PTPRS: variants seen among roughly 807,000 people sequenced by gnomAD.
PTPRS encodes protein tyrosine phosphatase receptor type S, also known as receptor-type tyrosine-protein phosphatase S.
Under a neutral mutation model 215.3 loss-of-function variants are expected in PTPRS, and 63 were observed. That is an observed-to-expected ratio of 0.29 (90% CI 0.24 to 0.36). PTPRS has a LOEUF of 0.36. Ranked by LOEUF, PTPRS falls within the 10% of genes least tolerant of loss-of-function variation. The pLI, the probability that PTPRS is intolerant of heterozygous loss-of-function variation, is 1.00. For synonymous variants in PTPRS, 1,404 were observed against 1,191.4 expected (o/e 1.18, Z -3.68); for missense variants, 2,258 against 2,825.8 (o/e 0.80, Z 4.56).
chr19:5,236,147 T>C (rs1319921250), intron 13 of PTPRS, among the ~76,000 whole-genome samples: 1 of 152,236 alleles, frequency 6.6e-6, no homozygotes, highest in Non-Finnish European at 1.5e-5. Flanking sequence ...CTGGGCTTTC[T>C]ACAGTCACTG....
intron 9 of PTPRS, among the ~76,000 whole-genome samples, chr19:5,247,997 G>T (rs984233131): frequency 6.8e-6 from 1 of 146,536 alleles, no homozygotes; most frequent in African/African-American, 2.5e-5. Flanking sequence ...GAAGGGCCAT[G>T]CACACAGAGT....
At chr19:5,300,169 A>C (rs1281732543) in intron 1 of PTPRS, among the ~76,000 whole-genome samples, 2 of 150,472 alleles carry the variant, frequency 1.3e-5, no homozygotes, top group East Asian at 2.0e-4. Flanking sequence ...AGAACCCAGG[A>C]GGTGGACACT....
intron 1 of PTPRS, among the ~76,000 whole-genome samples, chr19:5,311,782 T>A (rs1483828730): frequency 6.6e-6 from 1 of 152,146 alleles, no homozygotes; most frequent in Non-Finnish European, 1.5e-5. Flanking sequence ...GGCTCACGCC[T>A]GTAATCCCAG....
Position 5,257,464 on chromosome 19 carries a change from G to C in PTPRS, c.706+553C>G, listed in dbSNP as rs142460058. On this transcript the variant is annotated intron_variant, in intron 8 of 37. Transcript: ENST00000262963. This position sits in a 1 kb window ranked among gnomAD's most constrained non-coding sequence, Gnocchi z 4.4. ...CATTAGGAAGAGGCAGAAGGCGCCG[G>C]GCTCCGGACCAGCTGGTGGGGGGTG... 2,491 of 458,000 alleles carry C rather than the reference G, an allele frequency of 5.4e-3. 23 individuals carry two copies. Among genetic ancestry groups the C allele is most frequent in the South Asian group, 0.013 (868 of 64,620 alleles). 28.4% of individuals were successfully genotyped at this position (458,000 alleles called of 1,614,324 possible).
At position 5,294,300 on chromosome 19, in the gene PTPRS, G is replaced by A. The variant is rs571456869; in HGVS notation, c.-94-8066C>T. ...TTCTGCAAAGAACGGAGCCGAGAAA[G>A]AGAGAGAAACGGCTGCCCACGGCCG... is the stretch of plus-strand genomic sequence containing the variant. On this transcript the variant is annotated intron_variant, in intron 1 of 37. Coordinates refer to ENST00000262963, the MANE Select transcript of PTPRS (RefSeq NM_002850.4). The surrounding 1 kb of genome is among the most constrained non-coding windows in gnomAD (Gnocchi z 5.1). The A allele has an allele frequency of 1.5e-4, 23 of 152,672 alleles. No individual in the cohort carries two copies. The highest frequency in any genetic ancestry group is 5.5e-4 in the African/African-American group (23 of 41,602). 9.5% of individuals were successfully genotyped at this position (152,672 alleles called of 1,614,324 possible).
At chr19:5,214,340 C>T (rs765866497) in intron 30 of PTPRS, 21 bp downstream of exon 30, 15 of 1,613,828 alleles carry the variant, frequency 9.3e-6, no homozygotes, top group African/African-American at 1.3e-5. Context: ...CCTCAGCCCC[C>T]AGCCCCAGCC....
chr19:5,331,155 A>C (rs1236156058), intron 1 of PTPRS, among the ~76,000 whole-genome samples: 1 of 148,766 alleles, frequency 6.7e-6, no homozygotes, highest in East Asian at 1.9e-4. Context: ...AAAAAAGAGA[A>C]GGCCTTGCTC....
In PTPRS at chr19:5,228,696, T is replaced by TA. The variant is rs529632912; in HGVS notation, c.2376+619dup. The stretch of plus-strand genomic sequence containing the variant: ...ACCTGGGGTTCTCAGCAGAGACTGG[T>TA]ACTCCCGTTTTAGGGGCAGAGAGGT... On this transcript the variant is annotated intron_variant, in intron 16 of 37. Transcript: ENST00000262963. Among the ~76,000 whole-genome samples the TA allele has an allele frequency of 3.0e-4, 45 of 152,256 alleles. No individual in the cohort carries two copies. In the East Asian group the frequency reaches 4.3e-3, roughly 14 times the overall value.
chr19:5,205,630 A>G lies in PTPRS; in HGVS notation c.*1144T>C, dbSNP rs1192995517. ...TAACCGCAGACCTGCCCTTGTACAA[A>G]GAGGAACAACTCGCTTGCTCAGGGT... On this transcript the variant is annotated 3_prime_UTR_variant, in exon 38 of 38. Transcript: ENST00000262963. Among the ~76,000 whole-genome samples the G allele has an allele frequency of 4.6e-5, 7 of 152,222 alleles. No individual in the cohort carries two copies. Among genetic ancestry groups the G allele is most frequent in the African/African-American group, 1.7e-4 (7 of 41,456 alleles).
At chr19:5,271,525 G>A (rs991948125) in intron 4 of PTPRS, among the ~76,000 whole-genome samples, 5 of 150,900 alleles carry the variant, frequency 3.3e-5, no homozygotes, top group African/African-American at 7.3e-5. Context: ...TCAGCCTCCC[G>A]AATAGCTGGG....
intron 1 of PTPRS, among the ~76,000 whole-genome samples, chr19:5,299,202 C>T (rs1237975923): frequency 6.6e-6 from 1 of 152,200 alleles, no homozygotes; most frequent in Non-Finnish European, 1.5e-5. Flanking sequence ...CCCTCAGGGT[C>T]AAAGCCCAAG....
intron 1 of PTPRS, among the ~76,000 whole-genome samples, chr19:5,329,814 C>T (rs1191734062): frequency 2.6e-5 from 4 of 151,194 alleles, no homozygotes; most frequent in South Asian, 2.1e-4. Flanking sequence ...TGGTGGCTCA[C>T]GCCTGGGATC....
intron 2 of PTPRS, chr19:5,278,020 C>T (rs1044297176): frequency 2.5e-6 from 3 of 1,204,652 alleles, no homozygotes; most frequent in African/African-American, 1.5e-5. Flanking sequence ...TCTCCCTGTG[C>T]TGAGATCGCT....
In PTPRS at chr19:5,212,438, C is replaced by A. The variant is rs115646246; in HGVS notation, c.4668G>T (p.Pro1556=). The change falls in exon 31 of 38, where the codon CCG becomes CCT. Residue 1556 remains proline, a synonymous_variant. Coordinates refer to ENST00000262963, the MANE Select transcript of PTPRS (RefSeq NM_002850.4). ...EVRQFQFTAW[P]DHGVPEYPTP... ...TTGGGTATTCGGGCACGCCATGGTC[C>A]GGCCACGCCGTAAACTGGAACTGGC... 3 of 1,599,352 alleles carry A rather than the reference C, an allele frequency of 1.9e-6. No individual in the cohort carries two copies. In the African/African-American group the frequency reaches 4.0e-5, roughly 21 times the overall value.
intron 16 of PTPRS, among the ~76,000 whole-genome samples, chr19:5,227,938 A>AC (rs910916604): frequency 1.2e-4 from 18 of 151,656 alleles, no homozygotes; most frequent in African/African-American, 1.9e-4. Flanking sequence ...GCACACACGC[A>AC]CCCCCCCAAG....
At chr19:5,330,806 G>C (rs951945526) in intron 1 of PTPRS, among the ~76,000 whole-genome samples, 2 of 152,154 alleles carry the variant, frequency 1.3e-5, no homozygotes, top group Non-Finnish European at 2.9e-5. Context: ...GGGCCAGATG[G>C]GGCCAAGAGA....
chr19:5,273,801 G>C (rs1568539677), intron 3 of PTPRS, among the ~76,000 whole-genome samples: 1 of 152,212 alleles, frequency 6.6e-6, no homozygotes, highest in African/African-American at 2.4e-5. Context: ...TAAGAACAGG[G>C]TGTTGTGTGC....
intron 2 of PTPRS, among the ~76,000 whole-genome samples, chr19:5,278,479 T>C (rs1391181499): frequency 6.6e-6 from 1 of 151,934 alleles, no homozygotes; most frequent in Non-Finnish European, 1.5e-5. Flanking sequence ...TGATTACTTA[T>C]TTATTTATTT....
At chr19:5,319,461 C>A (rs1018999652) in intron 1 of PTPRS, among the ~76,000 whole-genome samples, 1 of 145,580 alleles carries the variant, frequency 6.9e-6, no homozygotes, top group South Asian at 2.3e-4. Flanking sequence ...CCACTTGCTT[C>A]TTCTCCCCAC....
Sources: gnomAD v4.1 joint callset for allele counts (sites outside exome capture counted in the v4.1 genomes callset) on GRCh38, gnomAD v4.1.1 for gene constraint, Gnocchi (gnomAD v3.1) non-coding constraint, MANE v1.5 for transcripts, NCBI Gene and HGNC (gene_info 2026-07-23, HGNC 2026-07-21) for gene names.